SLC9C2: variants seen among roughly 807,000 people sequenced by gnomAD.
The protein encoded by SLC9C2 is solute carrier family 9 member C2 (putative), also known as sodium/hydrogen exchanger 11.
SLC9C2 carries 75 observed loss-of-function variants against 140.2 expected under a neutral mutation model. The observed-to-expected ratio is 0.53, with a 90% CI of 0.44 to 0.65. SLC9C2 has a LOEUF of 0.65. SLC9C2 is among the 30% of genes least tolerant of loss of function. The pLI is 0.00. For synonymous variants in SLC9C2, 375 were observed against 420.9 expected (o/e 0.89, Z 1.34); for missense variants, 1,074 against 1,331.8 (o/e 0.81, Z 3.01).
At chr1:173,569,623 C>T (rs868582548) in intron 9 of SLC9C2, among the ~76,000 whole-genome samples, 4 of 151,852 alleles carry the variant, frequency 2.6e-5, no homozygotes, top group East Asian at 1.9e-4. Context: ...GTAGGTGTGC[C>T]GCATTCTTTT....
chr1:173,521,244 A>T, intron 22 of SLC9C2, 57 bp downstream of exon 22: 1 of 966,224 alleles, frequency 1.0e-6, no homozygotes, highest in Non-Finnish European at 1.5e-6. Context: ...TTCTACAATT[A>T]CATGTTTCAA....
intron 8 of SLC9C2, among the ~76,000 whole-genome samples, chr1:173,574,505 C>CTT (rs746733038): frequency 0.12 from 12,618 of 104,792 alleles, 3,281 homozygotes; most frequent in African/African-American, 0.48. Flanking sequence ...GAGTTAAGTA[C>CTT]TTTTTTTTTT....
intron 13 of SLC9C2, among the ~76,000 whole-genome samples, chr1:173,540,204 T>C (rs1249508362): frequency 1.3e-5 from 2 of 152,064 alleles, no homozygotes; most frequent in Non-Finnish European, 2.9e-5. Context: ...GGAAGACAAC[T>C]AGCATCAGCT....
At chr1:173,523,930 C>T (rs766387902) in intron 21 of SLC9C2, 39 bp downstream of exon 21, 3 of 1,583,818 alleles carry the variant, frequency 1.9e-6, no homozygotes, top group Non-Finnish European at 2.6e-6. Flanking sequence ...TGGATAATTA[C>T]CATCAAACCT....
At chr1:173,530,105 G>A in intron 17 of SLC9C2, 51 bp from the exon 18 acceptor site, 1 of 1,511,618 alleles carries the variant, frequency 6.6e-7, no homozygotes, top group Non-Finnish European at 8.9e-7. Flanking sequence ...ATGAGGAAAA[G>A]CACCCTCTGA....
Position 173,523,958 on chromosome 1 carries a change from G to A in SLC9C2, c.2640+11C>T, listed in dbSNP as rs377519067. The A allele has an allele frequency of 1.4e-5, 23 of 1,599,560 alleles. No individual in the cohort carries two copies. Among genetic ancestry groups the A allele is most frequent in the East Asian group, 4.5e-5 (2 of 44,660 alleles). On this transcript the variant is annotated intron_variant, in intron 21 of 27. Coordinates refer to ENST00000367714, the MANE Select transcript of SLC9C2 (RefSeq NM_178527.4). ...TCAAACCTGAGCCAGAATAGAAAAC[G>A]GAATCTTTACCTTGAAGAAGTCAAT...
In SLC9C2 at chr1:173,597,933, A is replaced by T; in HGVS notation, c.328T>A (p.Phe110Ile). The T allele has an allele frequency of 6.3e-7, 1 of 1,589,400 alleles. No individual in the cohort carries two copies. The highest frequency in any genetic ancestry group is 8.5e-7 in the Non-Finnish European group (1 of 1,169,634). ...CAAAACATTTTCTTGAGTGTATAAA[A>T]TTCTACATCCAAAGCAACCATAAAT... ...IIFMVALDVE[F>I]YTLKKMFWQV... Residue 110 changes from phenylalanine (F) to isoleucine (I), a missense_variant, in exon 4 of 28, where the codon TTT (phenylalanine) becomes ATT (isoleucine). Physicochemically the swap from Phe to Ile is conservative, Grantham distance 21. Coordinates refer to ENST00000367714, the MANE Select transcript of SLC9C2 (RefSeq NM_178527.4).
chr1:173,585,091 A>G (rs183731791), intron 5 of SLC9C2, among the ~76,000 whole-genome samples: 11 of 152,356 alleles, frequency 7.2e-5, no homozygotes, highest in African/African-American at 2.6e-4. Flanking sequence ...TTGAGATCAT[A>G]CTAACACTCT....
chr1:173,556,065 A>G (rs1406470126), intron 10 of SLC9C2, among the ~76,000 whole-genome samples: 3 of 152,176 alleles, frequency 2.0e-5, no homozygotes, highest in Non-Finnish European at 2.9e-5. Context: ...CTGTACATCT[A>G]CCTCCAGATT....
At chr1:173,510,815 T>C (rs182467496) in intron 23 of SLC9C2, among the ~76,000 whole-genome samples, 2 of 152,338 alleles carry the variant, frequency 1.3e-5, no homozygotes, top group East Asian at 3.9e-4. Context: ...TGTGTCTTTA[T>C]AGTAGAATGA....
chr1:173,563,879 C>T (rs939650048), intron 9 of SLC9C2, among the ~76,000 whole-genome samples: 2 of 152,242 alleles, frequency 1.3e-5, no homozygotes, highest in Non-Finnish European at 1.5e-5. Context: ...CTCTGGTAAC[C>T]ATCCCTCTAC....
chr1:173,597,091 T>G (rs1395762547), intron 4 of SLC9C2, among the ~76,000 whole-genome samples: 1 of 151,858 alleles, frequency 6.6e-6, no homozygotes, highest in Non-Finnish European at 1.5e-5. Context: ...CACTCAATAA[T>G]TAGAGAACAT....
intron 23 of SLC9C2, among the ~76,000 whole-genome samples, chr1:173,515,718 G>A (rs566925033): frequency 2.6e-5 from 4 of 152,252 alleles, no homozygotes; most frequent in South Asian, 2.1e-4. Context: ...CAGGCATTGC[G>A]ATCATGTATA....
At chr1:173,569,892 C>T (rs543563583) in intron 9 of SLC9C2, among the ~76,000 whole-genome samples, 186 of 152,276 alleles carry the variant, frequency 1.2e-3, no homozygotes, top group African/African-American at 4.3e-3. Context: ...AAGTTCTTCC[C>T]ACTCTTTCCT....
At chr1:173,594,092 C>G (rs1189924377) in intron 4 of SLC9C2, among the ~76,000 whole-genome samples, 1 of 152,112 alleles carries the variant, frequency 6.6e-6, no homozygotes. Context: ...TCAAAAGCAA[C>G]AATTAGGCTC....
At chr1:173,596,739 C>CA (rs1558101313) in intron 4 of SLC9C2, 1 of 151,208 alleles carries the variant, frequency 6.6e-6, no homozygotes, top group African/African-American at 2.4e-5. Flanking sequence ...ATGTTGAAAA[C>CA]AAAAGGATGG....
intron 9 of SLC9C2, among the ~76,000 whole-genome samples, chr1:173,560,520 C>T (rs759721768): frequency 1.3e-5 from 2 of 152,218 alleles, no homozygotes; most frequent in Non-Finnish European, 2.9e-5. Flanking sequence ...GCTCTTCCAG[C>T]TCCACAGTTT....
chr1:173,528,538 G>A (rs1421692261), intron 18 of SLC9C2, among the ~76,000 whole-genome samples: 1 of 152,160 alleles, frequency 6.6e-6, no homozygotes, highest in African/African-American at 2.4e-5. Flanking sequence ...TAAAGCAACA[G>A]GACAGAATTC....
chr1:173,588,525 G>A (rs111603477), intron 4 of SLC9C2, among the ~76,000 whole-genome samples: 1,712 of 151,882 alleles, frequency 0.011, 38 homozygotes, highest in African/African-American at 0.038. Context: ...CTATTGTAAC[G>A]TCATATGGTT....
Sources: allele counts gnomAD v4.1 joint callset (sites outside exome capture counted in the v4.1 genomes callset), GRCh38; gene constraint gnomAD v4.1.1; transcripts MANE v1.5; gene names NCBI Gene and HGNC (gene_info 2026-07-23, HGNC 2026-07-21).